TTC6: variants seen among roughly 807,000 people sequenced by gnomAD.
TTC6 encodes tetratricopeptide repeat domain 6.
Under a neutral mutation model 210.4 loss-of-function variants are expected in TTC6, and 172 were observed. The observed-to-expected ratio is 0.82, with a 90% CI of 0.72 to 0.93. TTC6 has a LOEUF of 0.93. Ranked by LOEUF, TTC6 falls within the 40% of genes least tolerant of loss-of-function variation. The probability of loss-of-function intolerance (pLI) is 0.00; values close to 1 mark genes in which losing one functional copy is unlikely to be tolerated. For missense variants in TTC6, 2,414 were observed against 2,318.1 expected (o/e 1.04, Z -0.85); for synonymous variants, 804 against 819.6 (o/e 0.98, Z 0.32).
intron 4 of TTC6, among the ~76,000 whole-genome samples, chr14:37,698,397 A>C (rs2095818629): frequency 6.6e-6 from 1 of 152,142 alleles, no homozygotes; most frequent in Non-Finnish European, 1.5e-5. Context: ...AGAAAATATA[A>C]AAATCAGTAA....
At chr14:37,710,631 A>G (rs1156958025) in intron 5 of TTC6, among the ~76,000 whole-genome samples, 1 of 152,160 alleles carries the variant, frequency 6.6e-6, no homozygotes, top group Admixed American at 6.6e-5. Context: ...TTGACTCTGA[A>G]AAACTCAATC....
At chr14:37,680,112 T>C in intron 1 of TTC6, 39 bp from the exon 4 acceptor site, 1 of 1,223,646 alleles carries the variant, frequency 8.2e-7, no homozygotes, top group African/African-American at 1.5e-5. Flanking sequence ...TCAATGATTT[T>C]AAAAATTGGC....
intron 1 of TTC6, among the ~76,000 whole-genome samples, chr14:37,650,447 C>T (rs926346456): frequency 6.6e-6 from 1 of 152,196 alleles, no homozygotes; most frequent in African/African-American, 2.4e-5. Flanking sequence ...ATCCTAATAT[C>T]TTATTCTATT....
At chr14:37,841,147 A>G (rs2096209223) in intron 29 of TTC6, among the ~76,000 whole-genome samples, 1 of 152,140 alleles carries the variant, frequency 6.6e-6, no homozygotes, top group African/African-American at 2.4e-5. Context: ...GGGATTACAG[A>G]CGTGAGCCAC....
chr14:37,788,770 G>C (rs925432732), intron 15 of TTC6, among the ~76,000 whole-genome samples: 86 of 152,162 alleles, frequency 5.7e-4, no homozygotes, highest in African/African-American at 2.0e-3. Context: ...CTACTAATCT[G>C]TTACTGAATG....
At chr14:37,841,415 A>G in intron 29 of TTC6, 30 bp from the exon 32 acceptor site, 1 of 1,555,354 alleles carries the variant, frequency 6.4e-7, no homozygotes, top group Non-Finnish European at 8.7e-7. Context: ...GTTGCCAATT[A>G]AAATATATCA....
At chr14:37,608,773 C>T (rs2139241124) in intron 2 of TTC6, among the ~76,000 whole-genome samples, 1 of 152,222 alleles carries the variant, frequency 6.6e-6, no homozygotes, top group East Asian at 1.9e-4. Context: ...TGTGTTCGGA[C>T]TTTGTTCTGT....
At chr14:37,751,897 C>G (rs1182974149) in intron 13 of TTC6, among the ~76,000 whole-genome samples, 5 of 148,036 alleles carry the variant, frequency 3.4e-5, no homozygotes, top group Non-Finnish European at 7.4e-5. Context: ...GATCTCGGCT[C>G]ACTGCAAGCT....
chr14:37,638,012 C>G (rs2095684316), intron 1 of TTC6, among the ~76,000 whole-genome samples: 1 of 152,136 alleles, frequency 6.6e-6, no homozygotes, highest in Admixed American at 6.6e-5. Flanking sequence ...AAAATTTATG[C>G]TTGCATGAAA....
chr14:37,804,930 T>A, intron 21 of TTC6, 116 bp downstream of exon 23: 5 of 1,134,714 alleles, frequency 4.4e-6, no homozygotes, highest in Non-Finnish European at 6.3e-6. Context: ...AAGCTGCTTA[T>A]GAAGCTTGGC....
At chr14:37,817,299 G>GA (rs1044772022) in intron 25 of TTC6, among the ~76,000 whole-genome samples, 15 of 152,060 alleles carry the variant, frequency 9.9e-5, no homozygotes, top group African/African-American at 3.4e-4. Context: ...AAAACCATAG[G>GA]AAAAAATCCC....
chr14:37,721,520 T>C (rs2095861739), intron 6 of TTC6, among the ~76,000 whole-genome samples: 7 of 152,108 alleles, frequency 4.6e-5, no homozygotes. Flanking sequence ...GGTGTTTTAT[T>C]TGAAGTGACC....
At position 37,841,676 on chromosome 14, in the gene TTC6, C is replaced by A; in HGVS notation, c.5524+6C>A. On this transcript the variant is annotated splice_donor_region_variant and intron_variant, in intron 30 of 30. Coordinates refer to ENST00000553443, the Ensembl canonical transcript of TTC6. ...TGAGGAAGACCTTAATAAAGGTACA[C>A]TTTTGGTAATTATTCTGGTAAGATT... The A allele has an allele frequency of 6.3e-7, 1 of 1,589,058 alleles. No individual in the cohort carries two copies. The highest frequency in any genetic ancestry group is 8.6e-7 in the Non-Finnish European group (1 of 1,167,624).
At chr14:37,596,227 A>G (rs2095604189) in intron 1 of TTC6, among the ~76,000 whole-genome samples, 1 of 152,180 alleles carries the variant, frequency 6.6e-6, no homozygotes, top group South Asian at 2.1e-4. Context: ...AGTGAGCTGG[A>G]GACGACCGTC....
intron 14 of TTC6, among the ~76,000 whole-genome samples, chr14:37,766,957 A>C (rs12586940): frequency 0.45 from 40,054 of 88,740 alleles, 5,851 homozygotes; most frequent in African/African-American, 0.49. Flanking sequence ...TCCCCTCCCC[A>C]CATCCCACAG....
chr14:37,762,592 T>C (rs766375564), intron 14 of TTC6, among the ~76,000 whole-genome samples: 1 of 152,222 alleles, frequency 6.6e-6, no homozygotes, highest in Admixed American at 6.5e-5. Flanking sequence ...GTTGGTCATT[T>C]ATATGTCTTC....
Position 37,790,697 on chromosome 14 carries a change from A to G in TTC6, c.3437-20A>G. 1 of 1,523,958 alleles carries G rather than the reference A, an allele frequency of 6.6e-7. No homozygotes were observed. Among genetic ancestry groups the G allele is most frequent in the Non-Finnish European group, 8.8e-7 (1 of 1,137,516 alleles). The allele number at this position is 1,523,958 out of a possible 1,614,324, so 94.4% of individuals were successfully genotyped here. ...TTATTTTAGAACCTGAATGAAATACATTTTTTTAAACTTTTTAAGCACTCA... is the reference window on the plus strand; with the variant it reads ...TTATTTTAGAACCTGAATGAAATACGTTTTTTTAAACTTTTTAAGCACTCA... On this transcript the variant is annotated intron_variant, in intron 15 of 30. Coordinates refer to ENST00000553443, the Ensembl canonical transcript of TTC6.
upstream of TTC6, among the ~76,000 whole-genome samples, chr14:37,620,962 A>G (rs2095650107): frequency 6.6e-6 from 1 of 152,224 alleles, no homozygotes. Context: ...TAGTCAATAT[A>G]TCAAGTTACT....
intron 4 of TTC6, among the ~76,000 whole-genome samples, chr14:37,698,409 GT>G (rs1212497179): frequency 6.6e-6 from 1 of 152,168 alleles, no homozygotes; most frequent in African/African-American, 2.4e-5. Context: ...AATCAGTAAT[GT>G]AATCTCAAAC....
Sources: gnomAD v4.1 joint callset for allele counts (sites outside exome capture counted in the v4.1 genomes callset) on GRCh38, gnomAD v4.1.1 for gene constraint, MANE v1.5 for transcripts, NCBI Gene and HGNC (gene_info 2026-07-23, HGNC 2026-07-21) for gene names.